ARL15: variants seen among roughly 807,000 people sequenced by gnomAD.
The protein encoded by ARL15 is ADP-ribosylation factor-like protein 15.
ARL15 carries 19 observed loss-of-function variants against 25.2 expected under a neutral mutation model. The ratio of observed to expected loss-of-function variants is 0.75; its 90% CI spans 0.53 to 1.10. ARL15 has a LOEUF of 1.10. Among genes scored for constraint, ARL15 ranks in the 50% least tolerant of loss-of-function variants. ARL15 has a pLI of 0.00. For synonymous variants in ARL15, 94 were observed against 86.8 expected (o/e 1.08, Z -0.46); for missense variants, 220 against 246.0 (o/e 0.89, Z 0.71).
chr5:54,008,833 T>C (rs187901429), intron 4 of ARL15, among the ~76,000 whole-genome samples: 3 of 152,340 alleles, frequency 2.0e-5, no homozygotes, highest in African/African-American at 7.2e-5. Context: ...ATACTTACGT[T>C]AATAAGATAA....
At chr5:53,947,167 GGTGTGTGTGTGTGTGTGTGTGTGTGTGT>G (rs3222349) in intron 4 of ARL15, among the ~76,000 whole-genome samples, 3 of 123,660 alleles carry the variant, frequency 2.4e-5, no homozygotes, top group African/African-American at 6.1e-5. Flanking sequence ...AATAAATAAG[GGTGTGTGTGTGTGTGTGTGTGTGTGTGT>G]GTGTGTGTGT....
intron 1 of ARL15, among the ~76,000 whole-genome samples, chr5:54,296,053 G>A (rs1440124217): frequency 6.6e-6 from 1 of 152,222 alleles, no homozygotes; most frequent in African/African-American, 2.4e-5. Flanking sequence ...ACTGGCCTGA[G>A]GAGAGATGTG....
At chr5:53,898,574 T>C (rs1744947260) in intron 4 of ARL15, among the ~76,000 whole-genome samples, 1 of 152,176 alleles carries the variant, frequency 6.6e-6, no homozygotes, top group South Asian at 2.1e-4. Flanking sequence ...TATCTAGTTA[T>C]TTGGCAAACA....
chr5:53,923,177 G>T (rs1348301008), intron 4 of ARL15, among the ~76,000 whole-genome samples: 1 of 152,146 alleles, frequency 6.6e-6, no homozygotes, highest in Non-Finnish European at 1.5e-5. Context: ...GGTCTTCAAT[G>T]GCTGCCATTG....
intron 1 of ARL15, among the ~76,000 whole-genome samples, chr5:54,177,115 C>T (rs1463059671): frequency 1.3e-5 from 2 of 152,214 alleles, no homozygotes; most frequent in Non-Finnish European, 2.9e-5. Context: ...CTTCAGCTCA[C>T]AGGCCTTTTC....
chr5:54,048,378 TTATATATATATAAATTA>T (rs1238808607), intron 4 of ARL15: 1 of 126,478 alleles, frequency 7.9e-6, no homozygotes, highest in African/African-American at 3.5e-5. Flanking sequence ...TATTTATAAA[TTATATATATATAAATTA>T]TATATATATA....
At chr5:53,898,320 G>A (rs1744939097) in intron 4 of ARL15, among the ~76,000 whole-genome samples, 1 of 152,040 alleles carries the variant, frequency 6.6e-6, no homozygotes, top group South Asian at 2.1e-4. Flanking sequence ...TAGTAATCTT[G>A]GTTTTGTGGC....
intron 4 of ARL15, among the ~76,000 whole-genome samples, chr5:54,025,142 A>C (rs1749747161): frequency 6.6e-6 from 1 of 152,172 alleles, no homozygotes; most frequent in South Asian, 2.1e-4. Context: ...CCTGCCACTA[A>C]ATGGAAATGA....
chr5:54,129,711 A>T (rs1308554998), intron 3 of ARL15, among the ~76,000 whole-genome samples: 1 of 152,190 alleles, frequency 6.6e-6, no homozygotes, highest in Non-Finnish European at 1.5e-5. Flanking sequence ...TGTAACAAGG[A>T]AAGTCTGATG....
intron 4 of ARL15, among the ~76,000 whole-genome samples, chr5:53,915,869 G>A (rs1030391751): frequency 6.6e-6 from 1 of 152,168 alleles, no homozygotes; most frequent in African/African-American, 2.4e-5. Flanking sequence ...GATTTGTCAG[G>A]TGACTTTAAG....
chr5:54,021,488 G>C (rs934706630), intron 4 of ARL15, among the ~76,000 whole-genome samples: 1 of 152,102 alleles, frequency 6.6e-6, no homozygotes, highest in Admixed American at 6.5e-5. Context: ...CAATACAAAA[G>C]CTCAGTGATG....
intron 4 of ARL15, among the ~76,000 whole-genome samples, chr5:54,068,099 G>A (rs187117126): frequency 6.6e-6 from 1 of 152,280 alleles, no homozygotes; most frequent in African/African-American, 2.4e-5. Flanking sequence ...ATGGTTCCAA[G>A]AACTTGCCTA....
chr5:54,185,885 T>C (rs675745), intron 1 of ARL15, among the ~76,000 whole-genome samples: 98,965 of 152,010 alleles, frequency 0.65, 32,658 homozygotes, highest in East Asian at 0.98. Flanking sequence ...GGTTTAGGCT[T>C]ATTTTAACAC....
At chr5:54,063,047 C>T (rs115791125) in intron 4 of ARL15, among the ~76,000 whole-genome samples, 2 of 152,292 alleles carry the variant, frequency 1.3e-5, no homozygotes, top group African/African-American at 4.8e-5. Flanking sequence ...AATGCTTTCA[C>T]AGTAGAATCA....
chr5:54,161,743 T>A (rs976364723), intron 2 of ARL15, among the ~76,000 whole-genome samples: 3 of 152,180 alleles, frequency 2.0e-5, no homozygotes, highest in Admixed American at 6.5e-5. Flanking sequence ...TATTTTTTTA[T>A]ATTTATCTTA....
Position 54,023,105 on chromosome 5 carries a change from A to G in ARL15, c.462+90097T>C, listed in dbSNP as rs556462775. Among the ~76,000 whole-genome samples the G allele has an allele frequency of 7.0e-4, 107 of 152,320 alleles. No homozygotes were observed. The Middle Eastern group carries it at 0.017, about 24-fold the overall frequency. The stretch of plus-strand genomic sequence containing the variant: ...AGGAATTACCCAATCTGAACAACCG[A>G]AAGAAACTAGACTGAAAAAATAAAA... On this transcript the variant is annotated intron_variant, in intron 4 of 4. Transcript: ENST00000504924.
intron 1 of ARL15, among the ~76,000 whole-genome samples, chr5:54,216,042 A>AT (rs1561270288): frequency 1.3e-5 from 2 of 151,986 alleles, no homozygotes; most frequent in African/African-American, 2.4e-5. Flanking sequence ...AACAAAGCCA[A>AT]TTTTTTTTGT....
chr5:54,069,308 C>T (rs985484881), intron 4 of ARL15, among the ~76,000 whole-genome samples: 1 of 152,108 alleles, frequency 6.6e-6, no homozygotes, highest in Non-Finnish European at 1.5e-5. Context: ...CAGTGGCTCA[C>T]GCCTATAATC....
At chr5:54,122,694 G>A (rs1044498919) in intron 3 of ARL15, among the ~76,000 whole-genome samples, 2 of 152,126 alleles carry the variant, frequency 1.3e-5, no homozygotes, top group Non-Finnish European at 2.9e-5. Context: ...TTTCTGTCAA[G>A]TAGATTTTTA....
Sources: allele counts gnomAD v4.1 joint callset (sites outside exome capture counted in the v4.1 genomes callset), GRCh38; gene constraint gnomAD v4.1.1; transcripts MANE v1.5; gene names NCBI Gene and HGNC (gene_info 2026-07-23, HGNC 2026-07-21).